The following DLG2 variants were observed in gnomAD, a reference collection of about 807,000 sequenced individuals.
DLG2 encodes discs large MAGUK scaffold protein 2.
In DLG2, 45 loss-of-function variants were observed where a neutral mutation model predicts 132.5. That is an observed-to-expected ratio of 0.34 (90% CI 0.27 to 0.44). DLG2 has a LOEUF of 0.44. Among genes scored for constraint, DLG2 ranks in the 20% least tolerant of loss-of-function variants. The probability of loss-of-function intolerance (pLI) is 1.00; values close to 1 mark genes in which losing one functional copy is unlikely to be tolerated. For missense variants in DLG2, 1,045 were observed against 1,196.9 expected, an observed-to-expected ratio of 0.87 and a Z score of 1.87; for synonymous variants, 424 against 419.6, an observed-to-expected ratio of 1.01 and a Z score of -0.13.
intron 7 of DLG2, among the ~76,000 whole-genome samples, chr11:84,413,398 G>A (rs982782444): frequency 6.6e-6 from 1 of 152,124 alleles, no homozygotes; most frequent in African/African-American, 2.4e-5. Flanking sequence ...ATAAACAAAG[G>A]CAGAAGATAT....
At chr11:84,669,163 T>TG (rs1001964617) in intron 6 of DLG2, among the ~76,000 whole-genome samples, 1 of 151,874 alleles carries the variant, frequency 6.6e-6, no homozygotes, top group Non-Finnish European at 1.5e-5. Context: ...GCTTGGTGGT[T>TG]GGGGGGAATA....
chr11:84,139,230 C>A lies in DLG2; in HGVS notation c.624+24231G>T, dbSNP rs531144713. On this transcript the variant is annotated intron_variant, in intron 9 of 27. Transcript: ENST00000376104. ...TTCCTATTCACAGCATCTTACACAC[C>A]CGCCACAGAGGTGATCAATTTACAC... Among the ~76,000 whole-genome samples, 298 of 152,162 alleles carry A rather than the reference C, an allele frequency of 2.0e-3. 3 individuals are homozygous for A. Among genetic ancestry groups the A allele is most frequent in the Non-Finnish European group, 2.0e-3 (134 of 68,012 alleles).
chr11:84,167,985 T>C (rs907801875), intron 8 of DLG2, among the ~76,000 whole-genome samples: 2 of 152,222 alleles, frequency 1.3e-5, no homozygotes, highest in African/African-American at 4.8e-5. Context: ...TAAATTTTTA[T>C]ATATCTCTGT....
chr11:84,187,686 T>G (rs1005751866), intron 8 of DLG2, among the ~76,000 whole-genome samples: 1 of 152,040 alleles, frequency 6.6e-6, no homozygotes, highest in Non-Finnish European at 1.5e-5. Context: ...TGAACAGGAT[T>G]TTAGGATAAA....
chr11:84,885,785 G>C (rs1255734097), intron 6 of DLG2, among the ~76,000 whole-genome samples: 1 of 152,012 alleles, frequency 6.6e-6, no homozygotes, highest in African/African-American at 2.4e-5. Context: ...AGGATACAAC[G>C]TTCCAAGGAA....
intron 6 of DLG2, among the ~76,000 whole-genome samples, chr11:84,599,170 G>A (rs776287894): frequency 1.4e-4 from 21 of 152,042 alleles, no homozygotes; most frequent in Non-Finnish European, 2.9e-4. Context: ...ATTCGAGCCC[G>A]GGAGGCAGAG....
chr11:83,956,494 C>T (rs904268994), intron 14 of DLG2, among the ~76,000 whole-genome samples: 4 of 152,234 alleles, frequency 2.6e-5, no homozygotes, highest in South Asian at 2.1e-4. Context: ...GGGCCCCACA[C>T]GGAGCTTGCT....
At chr11:83,755,310 C>T (rs529553018) in intron 18 of DLG2, among the ~76,000 whole-genome samples, 5 of 151,186 alleles carry the variant, frequency 3.3e-5, no homozygotes, top group African/African-American at 9.8e-5. Flanking sequence ...ACTCTGATAT[C>T]GAGTTTGCGA....
intron 3 of DLG2, among the ~76,000 whole-genome samples, chr11:85,525,302 G>T (rs964710785): frequency 6.6e-6 from 1 of 152,080 alleles, no homozygotes; most frequent in Non-Finnish European, 1.5e-5. Context: ...CATCTACAAA[G>T]AACTTTTAAA....
intron 3 of DLG2, among the ~76,000 whole-genome samples, chr11:85,524,672 T>C (rs1187982677): frequency 6.6e-6 from 1 of 152,228 alleles, no homozygotes; most frequent in Middle Eastern, 3.4e-3. Flanking sequence ...TTGTTTATTT[T>C]TTGTAGAGAT....
At chr11:83,520,635 G>GATAGATAGA (rs2095442841) in intron 21 of DLG2, among the ~76,000 whole-genome samples, 1 of 74,440 alleles carries the variant, frequency 1.3e-5, no homozygotes, top group Non-Finnish European at 3.1e-5. Flanking sequence ...AGATAGGTAG[G>GATAGATAGA]TAGGTAGATA....
intron 2 of DLG2, among the ~76,000 whole-genome samples, chr11:85,610,204 T>C (rs998074956): frequency 2.0e-5 from 3 of 152,180 alleles, no homozygotes; most frequent in East Asian, 1.9e-4. Flanking sequence ...TTACAAGATA[T>C]TGTTAAACAT....
intron 3 of DLG2, among the ~76,000 whole-genome samples, chr11:85,382,557 G>T (rs572881816): frequency 6.6e-6 from 1 of 151,414 alleles, no homozygotes; most frequent in Admixed American, 6.6e-5. Context: ...AAATCAAAAG[G>T]CAACCCACCG....
chr11:85,381,874 T>C (rs1288917997), intron 3 of DLG2, among the ~76,000 whole-genome samples: 4 of 152,076 alleles, frequency 2.6e-5, no homozygotes, highest in Non-Finnish European at 4.4e-5. Context: ...TCCATATTCA[T>C]GAATTAGAAC....
At chr11:85,409,603 A>T (rs2089129297) in intron 3 of DLG2, among the ~76,000 whole-genome samples, 1 of 151,828 alleles carries the variant, frequency 6.6e-6, no homozygotes, top group African/African-American at 2.4e-5. Flanking sequence ...TAGTCCGGTT[A>T]CACATTAAAG....
At chr11:84,890,418 A>C (rs1418451811) in intron 6 of DLG2, among the ~76,000 whole-genome samples, 1 of 152,138 alleles carries the variant, frequency 6.6e-6, no homozygotes, top group South Asian at 2.1e-4. Context: ...TCATATTCTT[A>C]TAAGAATTGG....
intron 18 of DLG2, among the ~76,000 whole-genome samples, chr11:83,772,013 A>T (rs930721701): frequency 1.3e-5 from 2 of 152,128 alleles, no homozygotes; most frequent in Admixed American, 6.6e-5. Context: ...TTTCTAGAAA[A>T]TCACACCAGT....
chr11:83,664,912 T>C (rs1395385481), intron 18 of DLG2, among the ~76,000 whole-genome samples: 1 of 152,228 alleles, frequency 6.6e-6, no homozygotes, highest in Non-Finnish European at 1.5e-5. Context: ...TCTACTTATG[T>C]ATCTTAAACC....
chr11:85,128,262 C>G (rs1339320254), intron 5 of DLG2, among the ~76,000 whole-genome samples: 3 of 151,908 alleles, frequency 2.0e-5, no homozygotes, highest in Admixed American at 1.3e-4. Context: ...TAATGGATAT[C>G]TGAAATTATG....
Sources: gnomAD v4.1 joint callset for allele counts (sites outside exome capture counted in the v4.1 genomes callset) on GRCh38, gnomAD v4.1.1 for gene constraint, MANE v1.5 for transcripts, NCBI Gene and HGNC (gene_info 2026-07-23, HGNC 2026-07-21) for gene names.